The following FANCM variants were observed in gnomAD, a reference collection of about 807,000 sequenced individuals.
FANCM encodes the protein FA complementation group M, also known as Fanconi anemia group M protein.
In FANCM, 140 loss-of-function variants were observed where a neutral mutation model predicts 199.5. The observed-to-expected ratio is 0.70, with a 90% CI of 0.61 to 0.81. FANCM has a LOEUF of 0.81. FANCM is among the 30% of genes least tolerant of loss of function. The pLI is 0.00. For synonymous variants in FANCM, 840 were observed against 836.8 expected, an observed-to-expected ratio of 1.00 and a Z score of -0.07; for missense variants, 2,410 against 2,421.4, an observed-to-expected ratio of 1.00 and a Z score of 0.10.
chr14:45,139,492 G>A (rs1885758425), intron 2 of FANCM, among the ~76,000 whole-genome samples: 1 of 152,044 alleles, frequency 6.6e-6, no homozygotes, highest in Non-Finnish European at 1.5e-5. Flanking sequence ...CCTCTGTATT[G>A]GGAAATGAAG....
intron 3 of FANCM, among the ~76,000 whole-genome samples, chr14:45,145,356 C>T (rs894610456): frequency 1.3e-5 from 2 of 151,948 alleles, no homozygotes; most frequent in Non-Finnish European, 2.9e-5. Flanking sequence ...GGTCACGTGC[C>T]CCCCATGTTC....
rs754098416 is a variant in FANCM at position 45,181,622 on chromosome 14, A to AT, written c.4318-12dup. The AT allele has an allele frequency of 6.2e-7, 1 of 1,602,914 alleles. No homozygotes were observed. The highest frequency in any genetic ancestry group is 1.1e-5 in the South Asian group (1 of 90,760). ...TGAGACTTTTGTTGCCTTTTACTTT[A>AT]TTTACTTACTTTAGGATCAGAAAAA... On this transcript the variant is annotated splice_polypyrimidine_tract_variant and intron_variant, in intron 15 of 22. Transcript: ENST00000267430.
chr14:45,189,100 G>A lies in FANCM; in HGVS notation c.5078G>A (p.Ser1693Asn), dbSNP rs528554660. The part of the protein sequence containing the change: ...KRESNIAVNP[S>N]TVKKNKQQDH... ...GAATCTAATATTGCGGTTAACCCAA[G>A]CACTGTTAAGAAGAACAAACAACAG... The change falls in exon 20 of 23, where the codon AGC becomes AAC. Residue 1693 changes from serine (S) to asparagine (N), a missense_variant. Physicochemically the swap from Ser to Asn is conservative, Grantham distance 46 (BLOSUM62 1). Transcript: ENST00000267430. The A allele has an allele frequency of 3.7e-5, 60 of 1,614,186 alleles. 1 individual carries two copies. The South Asian group carries it at 5.7e-4, about 15-fold the overall frequency.
chr14:45,198,560 G>GTCGCA, intron 21 of FANCM, 84 bp from the exon 22 acceptor site: 3 of 902,136 alleles, frequency 3.3e-6, no homozygotes, highest in South Asian at 1.9e-5. Context: ...GTAGATCTTG[G>GTCGCA]GATTTTAATA....
At chr14:45,141,516 C>A (rs1398023296) in intron 3 of FANCM, among the ~76,000 whole-genome samples, 1 of 138,360 alleles carries the variant, frequency 7.2e-6, no homozygotes, top group South Asian at 2.5e-4. Flanking sequence ...CTCCCCCTCC[C>A]CTCCCCTTCC....
intron 2 of FANCM, chr14:45,138,048 TA>T (rs972698299): frequency 1.1e-4 from 16 of 152,150 alleles, no homozygotes; most frequent in African/African-American, 3.6e-4. Flanking sequence ...AGAGCAGGTT[TA>T]GGGGGAACGT....
In FANCM at chr14:45,159,294, G is replaced by C. The variant is rs781169191; in HGVS notation, c.1581+14G>C. The C allele has an allele frequency of 1.0e-5, 16 of 1,593,542 alleles. No homozygotes were observed. The highest frequency in any genetic ancestry group is 1.4e-5 in the Non-Finnish European group (16 of 1,162,868). On this transcript the variant is annotated intron_variant, in intron 9 of 22. Transcript: ENST00000267430. ...GAGCAACTGGAGGTAATTATTTTTG[G>C]AATTGATAAAAATAAAAATAAGATT... is the stretch of plus-strand genomic sequence containing the variant.
intron 19 of FANCM, among the ~76,000 whole-genome samples, chr14:45,188,320 CAA>C (rs923113341): frequency 5.9e-5 from 9 of 152,158 alleles, no homozygotes; most frequent in Admixed American, 5.2e-4. Flanking sequence ...GCCTGGGCGA[CAA>C]GAGCAAAACT....
Position 45,135,959 on chromosome 14 carries a change from G to T in FANCM, c.-73G>T. ...AGTTTTGTGCGAAGGAAACCGATGG[G>T]GATCGGAACCGTAGCGGTTGAGCTG... On this transcript the variant is annotated 5_prime_UTR_variant, in exon 1 of 23. Transcript: ENST00000267430. 3.3e-6 allele frequency: 5 copies of T among 1,525,664 alleles called. No homozygotes were observed. The highest frequency in any genetic ancestry group is 4.5e-6 in the Non-Finnish European group (5 of 1,104,078). The allele number at this position is 1,525,664 out of a possible 1,614,324, so 94.5% of individuals were successfully genotyped here.
At chr14:45,197,159 C>T (rs1270227630) in intron 21 of FANCM, among the ~76,000 whole-genome samples, 2 of 152,050 alleles carry the variant, frequency 1.3e-5, no homozygotes, top group African/African-American at 4.8e-5. Context: ...GTAAAAAGAT[C>T]ATGAGATATG....
At position 45,199,916 on chromosome 14, in the gene FANCM, G is replaced by C. The variant is rs1890268255; in HGVS notation, c.6055G>C (p.Ala2019Pro). The C allele has an allele frequency of 6.2e-7, 1 of 1,608,008 alleles. No homozygotes were observed. The change falls in exon 23 of 23, where the codon GCT becomes CCT. Residue 2019 changes from alanine to proline, a missense_variant. Ala to Pro is a conservative substitution (Grantham distance 27). Coordinates refer to ENST00000267430, the MANE Select transcript of FANCM (RefSeq NM_020937.4). The stretch of plus-strand genomic sequence containing the variant: ...GTATGCACAAGTAACTCATCAGAAG[G>C]CTGAGGAGATCTATAGATATATTCA... Reference protein sequence around the residue: ...SMYAQVTHQKAEEIYRYIHYV... With the variant: ...SMYAQVTHQKPEEIYRYIHYV...
chr14:45,150,337 A>G (rs1232655944), intron 4 of FANCM, among the ~76,000 whole-genome samples: 2 of 152,254 alleles, frequency 1.3e-5, no homozygotes, highest in African/African-American at 4.8e-5. Flanking sequence ...CAATGTAAAT[A>G]TGATAATTCT....
chr14:45,151,317 A>C, intron 4 of FANCM, 80 bp from the exon 5 acceptor site: 1 of 1,137,826 alleles, frequency 8.8e-7, no homozygotes, highest in East Asian at 2.4e-5. Flanking sequence ...TATAATTCCT[A>C]TTTTAATATG....
At chr14:45,187,351 C>T (rs111588695) in intron 18 of FANCM, among the ~76,000 whole-genome samples, 6,882 of 151,524 alleles carry the variant, frequency 0.045, 216 homozygotes, top group Admixed American at 0.069. Flanking sequence ...TTTTGCTTAA[C>T]TGAAAATTAT....
Position 45,196,195 on chromosome 14 carries a change from T to C in FANCM, c.5364T>C (p.Ser1788=). 1 of 1,614,148 alleles carries C rather than the reference T, an allele frequency of 6.2e-7. No homozygotes were observed. Residue 1788 remains serine, a synonymous_variant, in exon 21 of 23, where the codon TCT becomes TCC. Coordinates refer to ENST00000267430, the MANE Select transcript of FANCM (RefSeq NM_020937.4). Reference sequence around the variant, plus strand: ...AGGATGGTAGTGCTTTGGAGGATTCTAGCACTTCAGGGGCATCCTGTTCCA... The same window carrying C: ...AGGATGGTAGTGCTTTGGAGGATTCCAGCACTTCAGGGGCATCCTGTTCCA... ...PQKDGSALED[S]STSGASCSKS...
At chr14:45,196,050 T>C in intron 20 of FANCM, 122 bp from the exon 21 acceptor site, 2 of 985,716 alleles carry the variant, frequency 2.0e-6, no homozygotes, top group Non-Finnish European at 3.3e-6. Context: ...ATTGTCACTT[T>C]GGTCAAATTG....
intron 16 of FANCM, among the ~76,000 whole-genome samples, chr14:45,183,288 G>T (rs1889180685): frequency 6.6e-6 from 1 of 151,966 alleles, no homozygotes; most frequent in Admixed American, 6.6e-5. Flanking sequence ...CTTTTGACTG[G>T]TTTTGTGTTA....
chr14:45,161,595 A>G lies in FANCM; in HGVS notation c.1581+2315A>G, dbSNP rs145331685. On this transcript the variant is annotated intron_variant, in intron 9 of 22. Coordinates refer to ENST00000267430, the MANE Select transcript of FANCM (RefSeq NM_020937.4). ...GGAGTTCGAGACCAACTAGGGCAAC[A>G]TGGTAAAACCTTATCTCTACCAAAA... Among the ~76,000 whole-genome samples the G allele has an allele frequency of 6.5e-3, 982 of 152,218 alleles. 8 individuals carry two copies. Among genetic ancestry groups the G allele is most frequent in the African/African-American group, 0.023 (935 of 41,534 alleles).
At chr14:45,159,661 G>A (rs1165634404) in intron 9 of FANCM, among the ~76,000 whole-genome samples, 2 of 152,102 alleles carry the variant, frequency 1.3e-5, no homozygotes, top group African/African-American at 2.4e-5. Flanking sequence ...ACCAATAAAT[G>A]TTTATTAAGT....
Sources: gnomAD v4.1 joint callset for allele counts (sites outside exome capture counted in the v4.1 genomes callset) on GRCh38, gnomAD v4.1.1 for gene constraint, MANE v1.5 for transcripts, NCBI Gene and HGNC (gene_info 2026-07-23, HGNC 2026-07-21) for gene names.